The following PHF20L1 variants were observed in gnomAD, a reference collection of about 807,000 sequenced individuals.
PHF20L1 encodes the protein PHD finger protein 20 like 1.
In PHF20L1, 44 loss-of-function variants were observed where a neutral mutation model predicts 125.5. That is an observed-to-expected ratio of 0.35 (90% CI 0.28 to 0.45). PHF20L1 has a LOEUF of 0.45. Among genes scored for constraint, PHF20L1 ranks in the 20% least tolerant of loss-of-function variants. PHF20L1 has a pLI of 1.00. For synonymous variants in PHF20L1, 380 were observed against 403.1 expected (o/e 0.94, Z 0.69); for missense variants, 1,012 against 1,217.2 (o/e 0.83, Z 2.51).
rs1161191393 is a variant in PHF20L1, at chr8:132,794,578, C to A, written c.252C>A (p.Phe84Leu). The A allele has an allele frequency of 6.2e-7, 1 of 1,602,646 alleles. No homozygotes were observed. The highest frequency in any genetic ancestry group is 8.5e-7 in the Non-Finnish European group (1 of 1,174,332). Residue 84 changes from phenylalanine (F) to leucine (L), a missense_variant, in exon 3 of 21, where the codon TTC (phenylalanine) becomes TTA (leucine). Physicochemically the swap from Phe to Leu is conservative, Grantham distance 22. This residue lies in a region of PHF20L1 where 94 missense variants were observed against 179.5 expected (regional missense o/e 0.52). Coordinates refer to ENST00000395386, the MANE Select transcript of PHF20L1 (RefSeq NM_016018.5). ...AAGGGCTAAAAGATGAGGAAGATTTCTTTGTAAGTAGCAAGTTTTTTCTGT... is the reference window on the plus strand; with the variant it reads ...AAGGGCTAAAAGATGAGGAAGATTTATTTGTAAGTAGCAAGTTTTTTCTGT... The part of the protein sequence containing the change: ...RKEGLKDEED[F>L]FDFKAGEEVL...
intron 14 of PHF20L1, among the ~76,000 whole-genome samples, chr8:132,830,657 T>G (rs1836668986): frequency 6.6e-6 from 1 of 152,118 alleles, no homozygotes; most frequent in Non-Finnish European, 1.5e-5. Context: ...TCATACTCTA[T>G]CTACCACATC....
chr8:132,842,378 A>T, intron 18 of PHF20L1, 137 bp from the exon 19 acceptor site: 1 of 607,970 alleles, frequency 1.6e-6, no homozygotes, highest in South Asian at 3.5e-5. Flanking sequence ...GGAGGGAGTT[A>T]ATTTAAAGAT....
rs773928659 is a variant in PHF20L1, at chr8:132,825,226, C to T, written c.1637-38C>T. 13 of 1,590,902 alleles carry T rather than the reference C, an allele frequency of 8.2e-6. No individual in the cohort carries two copies. In the Admixed American group the frequency reaches 1.4e-4, roughly 17 times the overall value. ...TAACCACAAAGGAACAACTCAGGAT[C>T]AGTCGTGATTGCTAAAGTATTCACT... On this transcript the variant is annotated intron_variant, in intron 13 of 20. Coordinates refer to ENST00000395386, the MANE Select transcript of PHF20L1 (RefSeq NM_016018.5).
At chr8:132,819,790 A>G (rs1835379832) in intron 12 of PHF20L1, among the ~76,000 whole-genome samples, 1 of 152,074 alleles carries the variant, frequency 6.6e-6, no homozygotes, top group Admixed American at 6.6e-5. Context: ...TTTAAAACTG[A>G]TAATTGAAAA....
rs1838543027 is a variant in PHF20L1, at chr8:132,848,081, TACCTA to T, written c.*2159_*2163del. 6.6e-6 allele frequency: 1 copy of T among 152,082 alleles called. No individual in the cohort carries two copies. 9.4% of individuals were successfully genotyped at this position (152,082 alleles called of 1,614,324 possible). ...TGTCACACACACAGAAGACCCTTTG[TACCTA>T]GTAACATTCATCCTCTTGATTCCTG... On this transcript the variant is annotated 3_prime_UTR_variant, in exon 21 of 21. Coordinates refer to ENST00000395386, the MANE Select transcript of PHF20L1 (RefSeq NM_016018.5).
intron 11 of PHF20L1, 113 bp from the exon 12 acceptor site, chr8:132,817,226 T>C (rs1458654069): frequency 2.0e-5 from 19 of 964,338 alleles, no homozygotes; most frequent in Non-Finnish European, 2.6e-5. Context: ...ATTTATTGAG[T>C]GCCTTCTTTG....
At chr8:132,782,562 A>G (rs1830546227) in intron 2 of PHF20L1, among the ~76,000 whole-genome samples, 1 of 151,684 alleles carries the variant, frequency 6.6e-6, no homozygotes, top group Non-Finnish European at 1.5e-5. Context: ...TCTCATTGCA[A>G]CAAGCTGATG....
chr8:132,810,948 A>T, intron 8 of PHF20L1, 98 bp from the exon 9 acceptor site: 1 of 767,684 alleles, frequency 1.3e-6, no homozygotes, highest in South Asian at 1.4e-5. Context: ...CGTATTAAAA[A>T]GTATAGGAAA....
Position 132,835,125 on chromosome 8 carries a change from C to T in PHF20L1, c.1910-1415C>T, listed in dbSNP as rs118064464. 8.9e-3 allele frequency among the ~76,000 whole-genome samples: 1,352 copies of T among 152,240 alleles called. 38 individuals are homozygous for T. The highest frequency in any genetic ancestry group is 0.087 in the East Asian group (449 of 5,162). ...AAAAGAAAATATTCTCTCTCTGACTCTCTCCTTAGTTCTTCTACAAACATT... is the reference window on the plus strand; with the variant it reads ...AAAAGAAAATATTCTCTCTCTGACTTTCTCCTTAGTTCTTCTACAAACATT... On this transcript the variant is annotated intron_variant, in intron 15 of 20. Transcript: ENST00000395386.
chr8:132,813,016 TAAC>T, intron 9 of PHF20L1: 1 of 942,836 alleles, frequency 1.1e-6, no homozygotes, highest in South Asian at 4.9e-5. Context: ...AGATGCATAA[TAAC>T]TCAGTAAGTT....
intron 15 of PHF20L1, 43 bp downstream of exon 15, chr8:132,832,442 C>A: frequency 7.1e-7 from 1 of 1,406,250 alleles, no homozygotes; most frequent in Non-Finnish European, 1.0e-6. Flanking sequence ...CTTACAATTC[C>A]TAAATGTGTA....
At position 132,803,886 on chromosome 8, in the gene PHF20L1, G is replaced by T; in HGVS notation, c.575G>T (p.Arg192Leu). 6.2e-7 allele frequency: 1 copy of T among 1,610,416 alleles called. No individual in the cohort carries two copies. The highest frequency in any genetic ancestry group is 8.5e-7 in the Non-Finnish European group (1 of 1,177,620). Residue 192 changes from arginine (R) to leucine (L), a missense_variant, in exon 7 of 21, where the codon CGA becomes CTA. Transcript: ENST00000395386. ...AAGAACAAAACAGGGAGTAAACCTCGAACCAGCGCTAACAGCAATAAAGAT... is the reference window on the plus strand; with the variant it reads ...AAGAACAAAACAGGGAGTAAACCTCTAACCAGCGCTAACAGCAATAAAGAT... ...AAKNKTGSKP[R>L]TSANSNKDKD...
chr8:132,831,969 A>G (rs1462318191), intron 14 of PHF20L1, among the ~76,000 whole-genome samples: 1 of 151,950 alleles, frequency 6.6e-6, no homozygotes, highest in African/African-American at 2.4e-5. Flanking sequence ...ATCCTTTTTC[A>G]CCTCTATAGT....
At position 132,795,250 on chromosome 8, in the gene PHF20L1, C is replaced by T. The variant is rs982263305; in HGVS notation, c.340+433C>T. 1.3e-5 allele frequency among the ~76,000 whole-genome samples: 2 copies of T among 151,972 alleles called. 1 individual carries two copies. The highest frequency in any genetic ancestry group is 4.1e-4 in the South Asian group (2 of 4,828). On this transcript the variant is annotated intron_variant, in intron 4 of 20. Coordinates refer to ENST00000395386, the MANE Select transcript of PHF20L1 (RefSeq NM_016018.5). ...TGAGGAAAGAGTATGGAATTTTTAC[C>T]AGTTCGAGGATTTCCCTTATTGTGT...
intron 2 of PHF20L1, among the ~76,000 whole-genome samples, chr8:132,787,494 G>A (rs930489287): frequency 1.3e-5 from 2 of 152,012 alleles, no homozygotes; most frequent in African/African-American, 2.4e-5. Context: ...ATGTGATGAG[G>A]TTCTTAAACT....
intron 2 of PHF20L1, among the ~76,000 whole-genome samples, 197 bp from the exon 3 acceptor site, chr8:132,794,213 A>C (rs1457152197): frequency 6.6e-6 from 1 of 152,140 alleles, no homozygotes; most frequent in Non-Finnish European, 1.5e-5. Context: ...TGTATCAAGG[A>C]GTTTATTCAG....
At chr8:132,811,475 C>T (rs892272027) in intron 9 of PHF20L1, 13 of 998,324 alleles carry the variant, frequency 1.3e-5, no homozygotes, top group Admixed American at 5.7e-5. Flanking sequence ...GGTTTTTTGA[C>T]ATCGAATAAA....
At chr8:132,837,912 C>A in intron 17 of PHF20L1, 101 bp downstream of exon 17, 1 of 754,358 alleles carries the variant, frequency 1.3e-6, no homozygotes. Flanking sequence ...AGCAAGTTCT[C>A]ACATGATGTC....
Position 132,817,422 on chromosome 8 carries a change from C to T in PHF20L1, c.1456C>T (p.Pro486Ser). The T allele has an allele frequency of 1.2e-6, 2 of 1,612,670 alleles. No individual in the cohort carries two copies. Among genetic ancestry groups the T allele is most frequent in the African/African-American group, 1.3e-5 (1 of 74,912 alleles). Residue 486 changes from proline to serine, a missense_variant, in exon 12 of 21, where the codon CCG becomes TCG. Transcript: ENST00000395386. ...AAGTCGTGGTTCAGAAGTTACAGCA[C>T]CGGTAGCCTCAGATTCCTCTTACCG... ...DLSRGSEVTA[P>S]VASDSSYRNE...
Sources: allele counts gnomAD v4.1 joint callset (sites outside exome capture counted in the v4.1 genomes callset), GRCh38; gene constraint gnomAD v4.1.1; regional missense constraint gnomAD v4.1.1; transcripts MANE v1.5; gene names NCBI Gene and HGNC (gene_info 2026-07-23, HGNC 2026-07-21).